MAPT: variants seen among roughly 807,000 people sequenced by gnomAD.
MAPT encodes microtubule associated protein tau, also known as microtubule-associated protein tau.
A neutral mutation model predicts 67.9 loss-of-function variants in MAPT; 34 were observed. The ratio of observed to expected loss-of-function variants is 0.50; its 90% CI spans 0.38 to 0.67. MAPT has a LOEUF of 0.67. Ranked by LOEUF, MAPT falls within the 30% of genes least tolerant of loss-of-function variation. The pLI, the probability that MAPT is intolerant of heterozygous loss-of-function variation, is 0.00. For synonymous variants in MAPT, 456 were observed against 464.5 expected (o/e 0.98, Z 0.23); for missense variants, 881 against 1,115.2 (o/e 0.79, Z 2.99).
At chr17:45,941,874 T>C (rs944586536) in intron 1 of MAPT, among the ~76,000 whole-genome samples, 4 of 152,028 alleles carry the variant, frequency 2.6e-5, no homozygotes, top group Non-Finnish European at 5.9e-5. Flanking sequence ...AATCATGTTC[T>C]TGGGGCCCAG....
chr17:46,017,326 T>C (rs1256281291), intron 11 of MAPT, among the ~76,000 whole-genome samples: 1 of 151,994 alleles, frequency 6.6e-6, no homozygotes, highest in Non-Finnish European at 1.5e-5. Context: ...CAGGCTGGAG[T>C]GCAGTGGTGC....
At chr17:45,947,383 CTTTTTT>C (rs374326954) in intron 1 of MAPT, among the ~76,000 whole-genome samples, 1 of 138,434 alleles carries the variant, frequency 7.2e-6, no homozygotes, top group East Asian at 2.1e-4. Context: ...CTTTCTTTTT[CTTTTTT>C]TTTTTTTTTT....
In MAPT at chr17:46,010,171, C is replaced by T. The variant is rs541965104; in HGVS notation, c.1999-139C>T. On this transcript the variant is annotated intron_variant, in intron 9 of 12. Coordinates refer to ENST00000262410, the MANE Select transcript of MAPT (RefSeq NM_001377265.1). This position sits in a 1 kb window ranked among gnomAD's most constrained non-coding sequence, Gnocchi z 4.7. ...CTCCCCAGACTGCCTCTGCCAAGTC[C>T]GAAAGTGGAGGCATCCTTGCGAGCA... is the stretch of plus-strand genomic sequence containing the variant. 27 of 716,414 alleles carry T rather than the reference C, an allele frequency of 3.8e-5. No homozygotes were observed. The highest frequency in any genetic ancestry group is 8.0e-5 in the East Asian group (3 of 37,282). The allele number at this position is 716,414 out of a possible 1,614,324, so 44.4% of individuals were successfully genotyped here.
rs774795793 is a variant in MAPT at position 45,962,356 on chromosome 17, G to T, written c.19G>T (p.Glu7Ter). Reference protein sequence around the residue: MAEPRQEFEVMEDHAGT... With the variant: MAEPRQ ...AACCAGGATGGCTGAGCCCCGCCAG[G>T]AGTTCGAAGTGATGGAAGATCACGC... The change falls in exon 2 of 13, where the codon GAG becomes TAG. Residue 7 changes from glutamate (E) to a stop codon, truncating the protein, a stop_gained. Coordinates refer to ENST00000262410, the MANE Select transcript of MAPT (RefSeq NM_001377265.1). LOFTEE classifies it high-confidence loss of function. The T allele has an allele frequency of 6.2e-7, 1 of 1,612,204 alleles. No homozygotes were observed. The highest frequency in any genetic ancestry group is 8.5e-7 in the Non-Finnish European group (1 of 1,179,866).
At chr17:46,011,984 C>T (rs990125846) in intron 10 of MAPT, among the ~76,000 whole-genome samples, 3 of 152,190 alleles carry the variant, frequency 2.0e-5, no homozygotes, top group African/African-American at 4.8e-5. Context: ...GCTCTCCTGT[C>T]CCCCCAGTTT....
intron 10 of MAPT, among the ~76,000 whole-genome samples, chr17:46,013,843 A>C (rs2075985622): frequency 6.6e-6 from 1 of 152,036 alleles, no homozygotes; most frequent in Non-Finnish European, 1.5e-5. Flanking sequence ...TTTTTTCTTC[A>C]TGCCTGATTG....
chr17:46,005,279 G>A (rs1225659249), intron 9 of MAPT, among the ~76,000 whole-genome samples: 1 of 152,162 alleles, frequency 6.6e-6, no homozygotes, highest in African/African-American at 2.4e-5. Context: ...CTTCCAGGAA[G>A]CTCAAAGTTA....
chr17:45,995,937 GC>G lies in MAPT; in HGVS notation c.1733-459del, dbSNP rs1307876102. ...TGCATCACCCTTATTTAGGATAAAGGCCCTGAAGAATTGTATTAGAGGTTGG... is the reference window on the plus strand; with the variant it reads ...TGCATCACCCTTATTTAGGATAAAGGCCTGAAGAATTGTATTAGAGGTTGG... On this transcript the variant is annotated intron_variant, in intron 8 of 12. Coordinates refer to ENST00000262410, the MANE Select transcript of MAPT (RefSeq NM_001377265.1). The surrounding 1 kb of genome is among the most constrained non-coding windows in gnomAD (Gnocchi z 4.3). Among the ~76,000 whole-genome samples, 1 of 152,158 alleles carries G rather than the reference GC, an allele frequency of 6.6e-6. No individual in the cohort carries two copies. Among genetic ancestry groups the G allele is most frequent in the Non-Finnish European group, 1.5e-5 (1 of 68,032 alleles).
chr17:45,933,268 GTCTC>G (rs1298493246), intron 1 of MAPT, among the ~76,000 whole-genome samples: 1 of 133,806 alleles, frequency 7.5e-6, no homozygotes, highest in African/African-American at 2.6e-5. Flanking sequence ...TTGAGACAGA[GTCTC>G]TCTCTCTGTC....
chr17:46,011,536 G>A (rs553037769), intron 10 of MAPT, among the ~76,000 whole-genome samples: 2 of 152,326 alleles, frequency 1.3e-5, no homozygotes, highest in Admixed American at 1.3e-4. Context: ...CACCCGATAA[G>A]CTGAGGCTTC....
At chr17:45,902,183 C>T (rs1390205708) in intron 1 of MAPT, among the ~76,000 whole-genome samples, 1 of 152,026 alleles carries the variant, frequency 6.6e-6, no homozygotes, top group South Asian at 2.1e-4. Context: ...CAAGCAATTC[C>T]GCCTCAGCCT....
In MAPT at chr17:45,971,650, T is replaced by C. The variant is rs971203678; in HGVS notation, c.134-209T>C. Among the ~76,000 whole-genome samples, 6 of 152,218 alleles carry C rather than the reference T, an allele frequency of 3.9e-5. No individual in the cohort carries two copies. The highest frequency in any genetic ancestry group is 2.6e-4 in the Admixed American group (4 of 15,282). On this transcript the variant is annotated intron_variant, in intron 2 of 12. Transcript: ENST00000262410. The surrounding 1 kb of genome is among the most constrained non-coding windows in gnomAD (Gnocchi z 4.3). ...AACGCACATCACCTGTGTCCTCATC[T>C]GATGGCCCTGGTGTGGGGCACAGTC...
intron 1 of MAPT, among the ~76,000 whole-genome samples, chr17:45,950,151 G>A (rs2068915533): frequency 6.6e-6 from 1 of 152,130 alleles, no homozygotes; most frequent in South Asian, 2.1e-4. Flanking sequence ...ACCCACCTAG[G>A]GTCGCCATCC....
chr17:45,947,630 C>T (rs971386330), intron 1 of MAPT, among the ~76,000 whole-genome samples: 3 of 151,912 alleles, frequency 2.0e-5, no homozygotes, highest in African/African-American at 7.3e-5. Context: ...TCAGATGATT[C>T]ACCCACCTCG....
intron 1 of MAPT, among the ~76,000 whole-genome samples, chr17:45,946,615 A>AAAAAAAAAAAAAATATATATATAT: frequency 6.0e-5 from 6 of 100,402 alleles, no homozygotes; most frequent in Non-Finnish European, 1.2e-4. Flanking sequence ...AAAAAAAAAA[A>AAAAAAAAAAAAAATATATATATAT]ATATATATAT....
chr17:45,965,220 A>G (rs2070927923), intron 2 of MAPT, among the ~76,000 whole-genome samples: 1 of 151,992 alleles, frequency 6.6e-6, no homozygotes, highest in South Asian at 2.1e-4. Flanking sequence ...TCACAAGGTC[A>G]GGAGTTCGAG....
At chr17:46,002,673 T>G (rs62064663) in intron 9 of MAPT, among the ~76,000 whole-genome samples, 21,819 of 150,964 alleles carry the variant, frequency 0.14, 2,137 homozygotes, top group Non-Finnish European at 0.22. Flanking sequence ...TTGAAAGCCT[T>G]GGGGCGGGGG....
chr17:46,013,422 G>C (rs2075957591), intron 10 of MAPT, among the ~76,000 whole-genome samples: 1 of 152,272 alleles, frequency 6.6e-6, no homozygotes, highest in Non-Finnish European at 1.5e-5. Context: ...TCAGCTGGCA[G>C]CTCAGGGTCA....
At position 45,915,436 on chromosome 17, in the gene MAPT, G is replaced by A. The variant is rs2065124674; in HGVS notation, c.-18+20750G>A. On this transcript the variant is annotated intron_variant, in intron 1 of 12. Coordinates refer to ENST00000262410, the MANE Select transcript of MAPT (RefSeq NM_001377265.1). The surrounding 1 kb of genome is among the most constrained non-coding windows in gnomAD (Gnocchi z 4.4). ...TGTGGGCATGTGATGTGTGTGTGGT[G>A]TGTAAGCATGTGTGAGTGTGTATGT... Among the ~76,000 whole-genome samples, 1 of 150,872 alleles carries A rather than the reference G, an allele frequency of 6.6e-6. No homozygotes were observed. The highest frequency in any genetic ancestry group is 1.5e-5 in the Non-Finnish European group (1 of 67,496).
Sources: allele counts gnomAD v4.1 joint callset (sites outside exome capture counted in the v4.1 genomes callset), GRCh38; gene constraint gnomAD v4.1.1; non-coding constraint Gnocchi (gnomAD v3.1); transcripts MANE v1.5; gene names NCBI Gene and HGNC (gene_info 2026-07-23, HGNC 2026-07-21).